The following CAPN5 variants were observed in gnomAD, a reference collection of about 807,000 sequenced individuals.
CAPN5 encodes calpain-5.
Under a neutral mutation model 73.0 loss-of-function variants are expected in CAPN5, and 54 were observed. That is an observed-to-expected ratio of 0.74 (90% confidence interval 0.59 to 0.93). The LOEUF (loss-of-function observed/expected upper bound fraction) is 0.93, where lower values mean the gene tolerates loss of function less well. CAPN5 is among the 40% of genes least tolerant of loss of function. The pLI, the probability that CAPN5 is intolerant of heterozygous loss-of-function variation, is 0.00. For missense variants in CAPN5, 785 were observed against 882.9 expected (o/e 0.89, Z 1.41); for synonymous variants, 335 against 356.9 (o/e 0.94, Z 0.69).
chr11:77,073,896 G>T (rs1434140897), intron 1 of CAPN5, among the ~76,000 whole-genome samples: 2 of 152,150 alleles, frequency 1.3e-5, no homozygotes, highest in African/African-American at 4.8e-5. Flanking sequence ...TGGCCTAGGG[G>T]CTGGGAGCCT....
At chr11:77,113,944 C>T (rs899523697) in intron 4 of CAPN5, among the ~76,000 whole-genome samples, 2 of 152,112 alleles carry the variant, frequency 1.3e-5, no homozygotes, top group Admixed American at 6.5e-5. Flanking sequence ...TATACCCATC[C>T]GACAGTAACT....
rs185903558 is a variant in CAPN5 at position 77,118,578 on chromosome 11, G to A, written c.1167+226G>A. ...TGCAGATGGTAAAAATGAGGAAACC[G>A]CGGCTCTGAGGGACATTTGGGTGTC... On this transcript the variant is annotated intron_variant, in intron 8 of 12. Transcript: ENST00000648180. Among the ~76,000 whole-genome samples, 289 of 152,308 alleles carry A rather than the reference G, an allele frequency of 1.9e-3. 1 individual carries two copies. The highest frequency in any genetic ancestry group is 6.6e-3 in the African/African-American group (276 of 41,582).
chr11:77,073,241 G>A, intron 1 of CAPN5: 1 of 587,044 alleles, frequency 1.7e-6, no homozygotes, highest in South Asian at 1.6e-5. Flanking sequence ...GCTTGGCCTG[G>A]GGCTGCCCCC....
chr11:77,102,240 G>A (rs1414074257), intron 3 of CAPN5, among the ~76,000 whole-genome samples: 2 of 152,194 alleles, frequency 1.3e-5, no homozygotes, highest in African/African-American at 4.8e-5. Context: ...GGACTGGAGG[G>A]GAAGGGTCCC....
chr11:77,090,425 C>G (rs567062899), intron 2 of CAPN5, among the ~76,000 whole-genome samples: 3 of 152,352 alleles, frequency 2.0e-5, no homozygotes, highest in South Asian at 4.1e-4. Flanking sequence ...GGGCCCAGAT[C>G]TGGTTGGATC....
At chr11:77,089,873 T>TA (rs1199174373) in intron 2 of CAPN5, among the ~76,000 whole-genome samples, 5 of 151,806 alleles carry the variant, frequency 3.3e-5, no homozygotes, top group Non-Finnish European at 5.9e-5. Flanking sequence ...GACTCCCATC[T>TA]AAAAAAAACA....
At chr11:77,076,785 AT>A (rs1403965221) in intron 1 of CAPN5, among the ~76,000 whole-genome samples, 3 of 152,214 alleles carry the variant, frequency 2.0e-5, no homozygotes, top group Non-Finnish European at 4.4e-5. Flanking sequence ...TCTTAAGTTA[AT>A]TCCATATCTT....
intron 3 of CAPN5, among the ~76,000 whole-genome samples, chr11:77,096,461 T>TC (rs1397895510): frequency 2.6e-5 from 4 of 152,116 alleles, no homozygotes; most frequent in African/African-American, 4.8e-5. Context: ...TTACTTTCCC[T>TC]CCCCAGCCCC....
intron 2 of CAPN5, among the ~76,000 whole-genome samples, chr11:77,086,817 G>A (rs1175625668): frequency 1.4e-4 from 21 of 152,364 alleles, no homozygotes; most frequent in African/African-American, 3.4e-4. Flanking sequence ...GAGGCCTGGC[G>A]GGAGCAGGCT....
At chr11:77,113,978 T>C (rs1197648275) in intron 4 of CAPN5, among the ~76,000 whole-genome samples, 1 of 151,960 alleles carries the variant, frequency 6.6e-6, no homozygotes, top group Non-Finnish European at 1.5e-5. Flanking sequence ...CTGACCATTG[T>C]TGGCACTTTG....
In CAPN5 at chr11:77,071,725, T is replaced by C. The variant is rs1456238857; in HGVS notation, c.-36+4631T>C. 4 of 429,324 alleles carry C rather than the reference T, an allele frequency of 9.3e-6. No homozygotes were observed. The Admixed American group carries it at 9.5e-5, about 10-fold the overall frequency. 26.6% of individuals were successfully genotyped at this position (429,324 alleles called of 1,614,324 possible). On this transcript the variant is annotated intron_variant, in intron 1 of 12. Coordinates refer to ENST00000648180, the MANE Select transcript of CAPN5 (RefSeq NM_004055.5). ...TGCCCAGCCTGACATCTTGGGGCTC[T>C]GGTTCACCCTCTGCCTGGGTATGGG...
At chr11:77,120,404 A>C in intron 9 of CAPN5, 1 of 287,864 alleles carries the variant, frequency 3.5e-6, no homozygotes, top group Non-Finnish European at 6.4e-6. Flanking sequence ...CAGCCATGTA[A>C]AGTATACAAT....
chr11:77,124,002 A>C lies in CAPN5; in HGVS notation c.*132A>C. On this transcript the variant is annotated 3_prime_UTR_variant, in exon 13 of 13. Coordinates refer to ENST00000648180, the MANE Select transcript of CAPN5 (RefSeq NM_004055.5). ...TTCCACTGACTTGCTGTGTGACCTT[A>C]GGAAGTCTCTGCCCCTCTCTCAGCC... 1 of 831,116 alleles carries C rather than the reference A, an allele frequency of 1.2e-6. No homozygotes were observed. The highest frequency in any genetic ancestry group is 1.7e-5 in the South Asian group (1 of 57,226). 51.5% of individuals were successfully genotyped at this position (831,116 alleles called of 1,614,324 possible). A position where few individuals can be genotyped will look rare whatever the true frequency, so the allele number is the denominator to read the frequency against.
At position 77,124,337 on chromosome 11, in the gene CAPN5, C is replaced by T. The variant is rs187981149; in HGVS notation, c.*467C>T. The T allele has an allele frequency of 1.9e-3, 310 of 163,548 alleles. No individual in the cohort carries two copies. The highest frequency in any genetic ancestry group is 3.7e-3 in the Non-Finnish European group (276 of 74,654). The allele number at this position is 163,548 out of a possible 1,614,324, so 10.1% of individuals were successfully genotyped here. ...CCTTGAAAGGACTCTTGGCTCCTGC[C>T]GGGTTCCTGCTCAGGCTGGAATTGG... On this transcript the variant is annotated 3_prime_UTR_variant, in exon 13 of 13. Transcript: ENST00000648180.
intron 3 of CAPN5, among the ~76,000 whole-genome samples, chr11:77,111,008 G>C (rs1293973439): frequency 1.3e-5 from 2 of 152,088 alleles, no homozygotes; most frequent in Non-Finnish European, 2.9e-5. Context: ...AGCAGGGCCA[G>C]GGGTCATTCA....
At chr11:77,096,586 C>T (rs1950210658) in intron 3 of CAPN5, among the ~76,000 whole-genome samples, 1 of 152,226 alleles carries the variant, frequency 6.6e-6, no homozygotes, top group Admixed American at 6.5e-5. Flanking sequence ...ATGGTACATT[C>T]CCTGAGGGCA....
At chr11:77,115,227 T>G (rs1395806310) in intron 5 of CAPN5, among the ~76,000 whole-genome samples, 168 bp from the exon 6 acceptor site, 1 of 152,224 alleles carries the variant, frequency 6.6e-6, no homozygotes, top group African/African-American at 2.4e-5. Flanking sequence ...TTACTGAGAC[T>G]GCTGCCCATG....
chr11:77,112,578 C>T lies in CAPN5; in HGVS notation c.298-11C>T. On this transcript the variant is annotated splice_polypyrimidine_tract_variant and intron_variant, in intron 3 of 12. Transcript: ENST00000648180. ...GTGTTCCCCCATCCTATCCCCCCTC[C>T]CCCTACCCAGGTCATCCCAGACTGG... The T allele has an allele frequency of 1.2e-6, 2 of 1,612,034 alleles. No homozygotes were observed. Among genetic ancestry groups the T allele is most frequent in the Non-Finnish European group, 1.7e-6 (2 of 1,178,704 alleles).
At position 77,099,763 on chromosome 11, in the gene CAPN5, CGGAGAG is replaced by C. The variant is rs782664114; in HGVS notation, c.297+5973_297+5978del. ...AGGGAGAGGGAGACGGAGAGGGAGA[CGGAGAG>C]GGAGAGGGAGAGGGAGAGGGAGTTC... On this transcript the variant is annotated intron_variant, in intron 3 of 12. Coordinates refer to ENST00000648180, the MANE Select transcript of CAPN5 (RefSeq NM_004055.5). 8.1e-3 allele frequency among the ~76,000 whole-genome samples: 1,139 copies of C among 139,870 alleles called. 5 individuals carry two copies. The highest frequency in any genetic ancestry group is 0.01 in the Non-Finnish European group (646 of 63,366). 91.8% of individuals were successfully genotyped at this position (139,870 alleles called of 152,430 possible).
Sources: allele counts gnomAD v4.1 joint callset (sites outside exome capture counted in the v4.1 genomes callset), GRCh38; gene constraint gnomAD v4.1.1; transcripts MANE v1.5; gene names NCBI Gene and HGNC (gene_info 2026-07-23, HGNC 2026-07-21).